Variants in FBXO42 observed in about 807,000 individuals in gnomAD.
The protein encoded by FBXO42 is F-box only protein 42.
A neutral mutation model predicts 71.7 loss-of-function variants in FBXO42; 12 were observed. That is an observed-to-expected ratio of 0.17 (90% CI 0.11 to 0.27). The LOEUF (loss-of-function observed/expected upper bound fraction) is 0.27, where lower values mean the gene tolerates loss of function less well. FBXO42 is among the 10% of genes least tolerant of loss of function. FBXO42 has a pLI of 1.00. For missense variants in FBXO42, 707 were observed against 911.9 expected, an observed-to-expected ratio of 0.78 and a Z score of 2.89; for synonymous variants, 325 against 327.5, an observed-to-expected ratio of 0.99 and a Z score of 0.08.
At position 16,335,796 on chromosome 1, in the gene FBXO42, GGCAGAGGTTGCA is replaced by G. The variant is rs1181580913; in HGVS notation, c.-18+16447_-18+16458del. Among the ~76,000 whole-genome samples the G allele has an allele frequency of 2.7e-5, 4 of 150,936 alleles. No homozygotes were observed. The South Asian group carries it at 8.4e-4, about 32-fold the overall frequency. ...GCAGGAGAATCGCTTGAACCTGAGA[GGCAGAGGTTGCA>G]GTGAGCTGAGATCACGCCATTGCAT... On this transcript the variant is annotated intron_variant, in intron 1 of 9. Coordinates refer to ENST00000375592, the MANE Select transcript of FBXO42 (RefSeq NM_018994.3).
intron 2 of FBXO42, among the ~76,000 whole-genome samples, chr1:16,306,653 G>A (rs1434581809): frequency 6.6e-6 from 1 of 152,154 alleles, no homozygotes; most frequent in Non-Finnish European, 1.5e-5. Flanking sequence ...AGCATTCTCT[G>A]TCTTAAATAT....
rs765620692 is a variant in FBXO42, at chr1:16,249,781, T to C, written c.*889A>G. The C allele has an allele frequency of 3.0e-5, 4 of 133,384 alleles. No individual in the cohort carries two copies. The highest frequency in any genetic ancestry group is 4.8e-5 in the Non-Finnish European group (3 of 62,478). The allele number at this position is 133,384 out of a possible 1,614,324, so 8.3% of individuals were successfully genotyped here. A position where few individuals can be genotyped will look rare whatever the true frequency, so the allele number is the denominator to read the frequency against. ...ACAGGTTTTAGGACTTCACCACATA[T>C]GAAAAAAAAAAAAGAAAAGAAAAAA... On this transcript the variant is annotated 3_prime_UTR_variant, in exon 10 of 10. Coordinates refer to ENST00000375592, the MANE Select transcript of FBXO42 (RefSeq NM_018994.3).
intron 3 of FBXO42, among the ~76,000 whole-genome samples, chr1:16,301,680 A>AAAC (rs2082196552): frequency 1.4e-5 from 2 of 139,300 alleles, no homozygotes; most frequent in South Asian, 2.2e-4. Context: ...CAAAAAAAAA[A>AAAC]AAACAACAAA....
At chr1:16,337,978 G>A (rs2082568156) in intron 1 of FBXO42, among the ~76,000 whole-genome samples, 1 of 150,296 alleles carries the variant, frequency 6.7e-6, no homozygotes, top group Non-Finnish European at 1.5e-5. Context: ...AGGGAGGATT[G>A]GCCGGGCGCG....
rs534468444 is a variant in FBXO42, at chr1:16,309,304, C to T, written c.251-3385G>A. Reference sequence around the variant, plus strand: ...ACGTTGGCCAGGATGGTCTCAATCTCTTGACCTCATGATCCACCCACCTTG... The same window carrying T: ...ACGTTGGCCAGGATGGTCTCAATCTTTTGACCTCATGATCCACCCACCTTG... On this transcript the variant is annotated intron_variant, in intron 2 of 9. Coordinates refer to ENST00000375592, the MANE Select transcript of FBXO42 (RefSeq NM_018994.3). Among the ~76,000 whole-genome samples, 10 of 150,432 alleles carry T rather than the reference C, an allele frequency of 6.6e-5. No individual in the cohort carries two copies. In the South Asian group the frequency reaches 1.3e-3, roughly 19 times the overall value.
intron 4 of FBXO42, among the ~76,000 whole-genome samples, chr1:16,289,426 T>C (rs1380672452): frequency 6.8e-6 from 1 of 146,984 alleles, no homozygotes; most frequent in Non-Finnish European, 1.5e-5. Context: ...AAAAAAAAAG[T>C]AATCCAGATG....
At chr1:16,302,139 A>C (rs1214232029) in intron 3 of FBXO42, among the ~76,000 whole-genome samples, 1 of 152,174 alleles carries the variant, frequency 6.6e-6, no homozygotes, top group African/African-American at 2.4e-5. Flanking sequence ...GCAGAGAGGA[A>C]GAAAAGAGCT....
In FBXO42 at chr1:16,310,431, T is replaced by C. The variant is rs551725021; in HGVS notation, c.251-4512A>G. Among the ~76,000 whole-genome samples, 22 of 151,876 alleles carry C rather than the reference T, an allele frequency of 1.4e-4. No homozygotes were observed. In the South Asian group the frequency reaches 2.1e-3, roughly 14 times the overall value. On this transcript the variant is annotated intron_variant, in intron 2 of 9. Transcript: ENST00000375592. Reference sequence around the variant, plus strand: ...TTGTAGTGCCAGCTATTTGGGAAGCTGAATTTGGAGGATTGCTTGAGCCTG... The same window carrying C: ...TTGTAGTGCCAGCTATTTGGGAAGCCGAATTTGGAGGATTGCTTGAGCCTG...
chr1:16,269,467 C>T (rs1167239300), intron 4 of FBXO42, among the ~76,000 whole-genome samples: 2 of 151,688 alleles, frequency 1.3e-5, no homozygotes, highest in Non-Finnish European at 2.9e-5. Context: ...AAGCCATTCT[C>T]GTGCCTCAGC....
chr1:16,293,387 C>G (rs1303010028), intron 4 of FBXO42: 1 of 152,276 alleles, frequency 6.6e-6, no homozygotes, highest in African/African-American at 2.4e-5. Flanking sequence ...TCCCAAAGTG[C>G]TGGGATTACA....
In FBXO42 at chr1:16,279,720, T is replaced by C. The variant is rs200896198; in HGVS notation, c.502+15063A>G. On this transcript the variant is annotated intron_variant, in intron 4 of 9. Transcript: ENST00000375592. The stretch of plus-strand genomic sequence containing the variant: ...AGAGAATAACAGGAAAAGAAAGCAA[T>C]AGACTATAAAAAAGAATTACAAGGC... Among the ~76,000 whole-genome samples, 36 of 151,728 alleles carry C rather than the reference T, an allele frequency of 2.4e-4. No individual in the cohort carries two copies. In the East Asian group the frequency reaches 4.9e-3, roughly 20 times the overall value.
At chr1:16,351,710 A>G (rs1025237369) in intron 1 of FBXO42, among the ~76,000 whole-genome samples, 3 of 152,182 alleles carry the variant, frequency 2.0e-5, no homozygotes. Flanking sequence ...TGCTGTCTCA[A>G]GCAAGGAGAT....
At chr1:16,264,913 C>G (rs942705618) in intron 4 of FBXO42, among the ~76,000 whole-genome samples, 2 of 152,178 alleles carry the variant, frequency 1.3e-5, no homozygotes, top group Admixed American at 6.6e-5. Flanking sequence ...TGCAAAGAAG[C>G]TGGTTAAACA....
intron 4 of FBXO42, among the ~76,000 whole-genome samples, chr1:16,276,249 A>G (rs181474802): frequency 4.5e-4 from 69 of 152,002 alleles, no homozygotes; most frequent in African/African-American, 1.6e-3. Context: ...GCATGGTGGC[A>G]TGCACCTGTA....
intron 4 of FBXO42, among the ~76,000 whole-genome samples, chr1:16,261,289 G>A (rs886535410): frequency 2.0e-5 from 3 of 152,186 alleles, no homozygotes; most frequent in African/African-American, 7.2e-5. Context: ...ACTCTCCAAG[G>A]AAAGGTAAGC....
intron 1 of FBXO42, among the ~76,000 whole-genome samples, chr1:16,349,872 AAG>A (rs1010172555): frequency 8.5e-5 from 13 of 152,192 alleles, no homozygotes; most frequent in Admixed American, 2.0e-4. Context: ...AACAAACAAA[AAG>A]AGTTAATTCA....
chr1:16,272,906 T>A (rs2081861172), intron 4 of FBXO42, among the ~76,000 whole-genome samples: 1 of 152,162 alleles, frequency 6.6e-6, no homozygotes, highest in Non-Finnish European at 1.5e-5. Context: ...GCAAAAATAA[T>A]CCTGTTGAAT....
Position 16,248,852 on chromosome 1 carries a change from C to A in FBXO42, c.*1818G>T, listed in dbSNP as rs984768885. On this transcript the variant is annotated 3_prime_UTR_variant, in exon 10 of 10. Coordinates refer to ENST00000375592, the MANE Select transcript of FBXO42 (RefSeq NM_018994.3). Reference sequence around the variant, plus strand: ...CAAAGAGCAGTTTCTGGAACACATACCCCTCCCCACAAGCTAGGCTTGGCA... The same window carrying A: ...CAAAGAGCAGTTTCTGGAACACATAACCCTCCCCACAAGCTAGGCTTGGCA... The A allele has an allele frequency of 6.6e-6, 1 of 152,270 alleles. No homozygotes were observed. Among genetic ancestry groups the A allele is most frequent in the Non-Finnish European group, 1.5e-5 (1 of 68,062 alleles). The allele number at this position is 152,270 out of a possible 1,614,324, so 9.4% of individuals were successfully genotyped here.
chr1:16,290,770 A>G (rs1412282306), intron 4 of FBXO42, among the ~76,000 whole-genome samples: 11 of 152,082 alleles, frequency 7.2e-5, no homozygotes, highest in Non-Finnish European at 1.5e-5. Context: ...GCAAACCAGG[A>G]GCTGGGAAGA....
Sources: allele counts gnomAD v4.1 joint callset (sites outside exome capture counted in the v4.1 genomes callset), GRCh38; gene constraint gnomAD v4.1.1; transcripts MANE v1.5; gene names NCBI Gene and HGNC (gene_info 2026-07-23, HGNC 2026-07-21).